Variants in ATRNL1 observed in about 807,000 individuals in gnomAD.
ATRNL1 encodes attractin like 1.
Under a neutral mutation model 182.7 loss-of-function variants are expected in ATRNL1, and 95 were observed. The ratio of observed to expected loss-of-function variants is 0.52; its 90% confidence interval spans 0.44 to 0.62. ATRNL1 has a LOEUF of 0.62. ATRNL1 is among the 20% of genes least tolerant of loss of function. The pLI is 0.00. For synonymous variants in ATRNL1, 576 were observed against 568.3 expected, an observed-to-expected ratio of 1.01 and a Z score of -0.19; for missense variants, 1,471 against 1,679.5, an observed-to-expected ratio of 0.88 and a Z score of 2.17.
chr10:115,425,555 C>G (rs1184168365), intron 20 of ATRNL1, among the ~76,000 whole-genome samples: 2 of 151,894 alleles, frequency 1.3e-5, no homozygotes, highest in Non-Finnish European at 2.9e-5. Flanking sequence ...GATTTTCTCC[C>G]ACTGCTGTAG....
intron 27 of ATRNL1, among the ~76,000 whole-genome samples, chr10:115,829,107 C>T (rs1950504297): frequency 6.6e-6 from 1 of 151,754 alleles, no homozygotes; most frequent in Non-Finnish European, 1.5e-5. Flanking sequence ...GACCAAAAGC[C>T]ATAAGTGAAG....
At chr10:115,334,650 T>A (rs1855396368) in intron 19 of ATRNL1, among the ~76,000 whole-genome samples, 1 of 152,222 alleles carries the variant, frequency 6.6e-6, no homozygotes, top group East Asian at 1.9e-4. Context: ...TTTCTTATTG[T>A]AATTTCTCAA....
At chr10:115,844,036 A>G (rs1214153638) in intron 27 of ATRNL1, among the ~76,000 whole-genome samples, 1 of 152,090 alleles carries the variant, frequency 6.6e-6, no homozygotes, top group Non-Finnish European at 1.5e-5. Context: ...TCAGGCATAT[A>G]GTAAGTGCTT....
At chr10:115,559,536 C>T (rs1239025721) in intron 26 of ATRNL1, among the ~76,000 whole-genome samples, 2 of 152,126 alleles carry the variant, frequency 1.3e-5, no homozygotes, top group African/African-American at 2.4e-5. Flanking sequence ...TGCCCCAGTC[C>T]TAGAATTAGC....
At chr10:115,714,834 G>T (rs1947200116) in intron 26 of ATRNL1, among the ~76,000 whole-genome samples, 1 of 152,132 alleles carries the variant, frequency 6.6e-6, no homozygotes, top group Non-Finnish European at 1.5e-5. Context: ...AGAATAAAGA[G>T]AATTTGTAGA....
intron 24 of ATRNL1, among the ~76,000 whole-genome samples, chr10:115,470,447 T>A (rs1220197359): frequency 2.0e-5 from 3 of 150,686 alleles, no homozygotes; most frequent in East Asian, 1.9e-4. Context: ...GATGTGTAAC[T>A]TTATTTCCTA....
At chr10:115,525,696 T>C (rs1723110679) in intron 25 of ATRNL1, among the ~76,000 whole-genome samples, 1 of 152,174 alleles carries the variant, frequency 6.6e-6, no homozygotes, top group Non-Finnish European at 1.5e-5. Context: ...TCACTTGTAC[T>C]GGACATTGCA....
At chr10:115,151,495 T>A (rs146219228) in intron 5 of ATRNL1, among the ~76,000 whole-genome samples, 241 of 152,374 alleles carry the variant, frequency 1.6e-3, no homozygotes, top group African/African-American at 5.5e-3. Context: ...TTTTTTCATG[T>A]GTCTGTTGAC....
intron 20 of ATRNL1, among the ~76,000 whole-genome samples, chr10:115,404,178 T>C (rs1554957668): frequency 1.3e-5 from 2 of 152,226 alleles, no homozygotes; most frequent in Non-Finnish European, 2.9e-5. Flanking sequence ...CAAAGTTAAA[T>C]GTTAGTTCTC....
chr10:115,559,366 C>T (rs73375311), intron 26 of ATRNL1, among the ~76,000 whole-genome samples: 1 of 152,218 alleles, frequency 6.6e-6, no homozygotes, highest in South Asian at 2.1e-4. Context: ...TATTAGAGAA[C>T]TCTTTCCAGT....
At chr10:115,927,490 T>C (rs955015604) in intron 28 of ATRNL1, among the ~76,000 whole-genome samples, 4 of 152,104 alleles carry the variant, frequency 2.6e-5, no homozygotes, top group Non-Finnish European at 5.9e-5. Flanking sequence ...GAAGAGAACA[T>C]GGGAGAATCT....
At chr10:115,380,685 G>A (rs1384880722) in intron 19 of ATRNL1, among the ~76,000 whole-genome samples, 2 of 152,132 alleles carry the variant, frequency 1.3e-5, no homozygotes, top group Non-Finnish European at 2.9e-5. Context: ...GTTCATCCAT[G>A]TTGTATTATG....
chr10:115,702,737 G>C (rs555424474), intron 26 of ATRNL1, among the ~76,000 whole-genome samples: 1 of 151,988 alleles, frequency 6.6e-6, no homozygotes, highest in East Asian at 1.9e-4. Context: ...TAACCAAGGA[G>C]GTGAAAGATC....
intron 24 of ATRNL1, among the ~76,000 whole-genome samples, chr10:115,469,951 A>G (rs901716091): frequency 2.0e-5 from 3 of 150,616 alleles, no homozygotes; most frequent in Non-Finnish European, 3.0e-5. Context: ...AGAAAAGCCT[A>G]TCTATTGGGA....
chr10:115,590,213 T>G (rs1254970496), intron 26 of ATRNL1, among the ~76,000 whole-genome samples: 1 of 152,210 alleles, frequency 6.6e-6, no homozygotes, highest in East Asian at 1.9e-4. Context: ...ATGCAGAGAC[T>G]AATTTGAAAT....
At chr10:115,621,276 TAGAGAGAGAGAGAGAGAGAG>T (rs1157745862) in intron 26 of ATRNL1, among the ~76,000 whole-genome samples, 1 of 47,594 alleles carries the variant, frequency 2.1e-5, no homozygotes, top group African/African-American at 7.4e-5. Flanking sequence ...TATATATATA[TAGAGAGAGAGAGAGAGAGAG>T]AGAGAGAGAG....
chr10:115,429,194 T>G (rs1554963474), intron 21 of ATRNL1, among the ~76,000 whole-genome samples: 1 of 152,138 alleles, frequency 6.6e-6, no homozygotes, highest in Non-Finnish European at 1.5e-5. Flanking sequence ...TAAATTGTAT[T>G]TTTCAAAATT....
intron 28 of ATRNL1, among the ~76,000 whole-genome samples, chr10:115,925,900 G>T (rs1414927400): frequency 6.6e-6 from 1 of 152,056 alleles, no homozygotes; most frequent in Non-Finnish European, 1.5e-5. Context: ...TTCAGCTCTG[G>T]ATCATGTGGA....
chr10:115,254,691 T>C, intron 10 of ATRNL1, among the ~76,000 whole-genome samples: 1 of 152,242 alleles, frequency 6.6e-6, no homozygotes, highest in Non-Finnish European at 1.5e-5. Flanking sequence ...TTTGGTGTTT[T>C]AGTCATGAAG....
Sources: gnomAD v4.1 joint callset for allele counts (sites outside exome capture counted in the v4.1 genomes callset) on GRCh38, gnomAD v4.1.1 for gene constraint, MANE v1.5 for transcripts, NCBI Gene and HGNC (gene_info 2026-07-23, HGNC 2026-07-21) for gene names.